ZIM2: variants seen among roughly 807,000 people sequenced by gnomAD.
ZIM2 encodes zinc finger imprinted 2.
Under a neutral mutation model 38.6 loss-of-function variants are expected in ZIM2, and 14 were observed. That is an observed-to-expected ratio of 0.36 (90% CI 0.24 to 0.57). ZIM2 has a LOEUF of 0.57. Among genes scored for constraint, ZIM2 ranks in the 20% least tolerant of loss-of-function variants. The pLI is 0.81. For missense variants in ZIM2, 680 were observed against 695.1 expected (o/e 0.98, Z 0.24); for synonymous variants, 247 against 245.8 (o/e 1.00, Z -0.04).
chr19:56,783,606 T>C lies in ZIM2; in HGVS notation c.571-1485A>G, dbSNP rs73064712. On this transcript the variant is annotated intron_variant, in intron 10 of 12. Coordinates refer to ENST00000629319, the MANE Select transcript of ZIM2 (RefSeq NM_001387356.1). ...CCAAATACCACGTGTTCTCACTTAT[T>C]AGTGGGAGCTAAACACTGGGTATAC... 8.4e-3 allele frequency among the ~76,000 whole-genome samples: 1,273 copies of C among 152,278 alleles called. 10 individuals carry two copies. Among genetic ancestry groups the C allele is most frequent in the South Asian group, 0.035 (169 of 4,828 alleles).
chr19:56,785,483 G>T (rs2046551194), intron 10 of ZIM2, among the ~76,000 whole-genome samples: 2 of 150,980 alleles, frequency 1.3e-5, no homozygotes, highest in Admixed American at 1.3e-4. Flanking sequence ...TTTCATTATT[G>T]TCTTTTAGGT....
In ZIM2 at chr19:56,775,579, C is replaced by A. The variant is rs115095419; in HGVS notation, c.836-50G>T. On this transcript the variant is annotated intron_variant, in intron 12 of 12. Transcript: ENST00000629319. ...CCTACCGCCCAATTATCCAATCCTG[C>A]CCCCCAATAATGATATTTCTATAGG... The A allele has an allele frequency of 1.4e-3, 2,134 of 1,536,888 alleles. 24 individuals carry two copies. The African/African-American group carries it at 0.025, about 18-fold the overall frequency.
intron 3 of ZIM2, 127 bp from the exon 4 acceptor site, chr19:56,824,554 G>T (rs2060830792): frequency 1.2e-6 from 2 of 1,614,042 alleles, no homozygotes; most frequent in Non-Finnish European, 1.7e-6. Context: ...CTTCTCCTAT[G>T]ATGACATCCG....
In ZIM2 at chr19:56,775,161, G is replaced by A. The variant is rs1218867342; in HGVS notation, c.1204C>T (p.Leu402Phe). The change falls in exon 13 of 13, where the codon CTC becomes TTC. Residue 402 changes from leucine (L) to phenylalanine (F), a missense_variant. Coordinates refer to ENST00000629319, the MANE Select transcript of ZIM2 (RefSeq NM_001387356.1). ...GAATGGGTCTTCTGATGTCTGTTGA[G>A]GTGTGGCATGAGATAGAAGGCTTCA... ...CAEAFYLMPH[L>F]NRHQKTHSGR... The A allele has an allele frequency of 1.2e-6, 2 of 1,614,108 alleles. No individual in the cohort carries two copies. Among genetic ancestry groups the A allele is most frequent in the Non-Finnish European group, 1.7e-6 (2 of 1,180,024 alleles).
chr19:56,808,393 A>C (rs1267484130), intron 9 of ZIM2, among the ~76,000 whole-genome samples: 1 of 152,190 alleles, frequency 6.6e-6, no homozygotes, highest in Non-Finnish European at 1.5e-5. Context: ...TATAAGTGGT[A>C]CGAGGCATGC....
In ZIM2 at chr19:56,774,887, C is replaced by G. The variant is rs145508804; in HGVS notation, c.1478G>C (p.Gly493Ala). The change falls in exon 13 of 13, where the codon GGA becomes GCA. Residue 493 changes from glycine (G) to alanine (A), a missense_variant. Coordinates refer to ENST00000629319, the MANE Select transcript of ZIM2 (RefSeq NM_001387356.1). ...GTCACAACACTGGCAGGCTCTCTCTCCAACGTAGTCATGTTTCCGCTGATA... is the reference window on the plus strand; with the variant it reads ...GTCACAACACTGGCAGGCTCTCTCTGCAACGTAGTCATGTTTCCGCTGATA... ...IRYQRKHDYV[G>A]ERACQCCDCG... 28 of 1,614,038 alleles carry G rather than the reference C, an allele frequency of 1.7e-5. No homozygotes were observed. The highest frequency in any genetic ancestry group is 2.3e-5 in the Non-Finnish European group (27 of 1,180,032).
chr19:56,817,706 T>C, intron 9 of ZIM2, 40 bp downstream of exon 9: 2 of 1,579,970 alleles, frequency 1.3e-6, no homozygotes, highest in Non-Finnish European at 1.7e-6. Context: ...AGCATCTCAC[T>C]GGTTGTGTGG....
chr19:56,795,434 C>T (rs570177323), intron 9 of ZIM2, among the ~76,000 whole-genome samples: 1 of 152,350 alleles, frequency 6.6e-6, no homozygotes, highest in East Asian at 1.9e-4. Context: ...CGCTCGCCGG[C>T]CGCTATCCTA....
chr19:56,824,685 C>T, intron 3 of ZIM2: 1 of 1,575,566 alleles, frequency 6.3e-7, no homozygotes, highest in Non-Finnish European at 8.6e-7. Flanking sequence ...ACTGGAGGAA[C>T]CAAACATGAG....
At position 56,814,471 on chromosome 19, in the gene ZIM2, G is replaced by C. The variant is rs761226740; in HGVS notation, c.490+3275C>G. ...ATAGAATGGTATAGCTCCTTTGAGG[G>C]GCTCAGTAAGAAATGAGGTGTGAGT... On this transcript the variant is annotated intron_variant, in intron 9 of 12. Transcript: ENST00000629319. The surrounding 1 kb of genome is among the most constrained non-coding windows in gnomAD (Gnocchi z 5.8). 1 of 1,612,222 alleles carries C rather than the reference G, an allele frequency of 6.2e-7. No homozygotes were observed. Among genetic ancestry groups the C allele is most frequent in the South Asian group, 1.1e-5 (1 of 91,026 alleles).
At chr19:56,789,518 A>C (rs1568573737) in intron 10 of ZIM2, among the ~76,000 whole-genome samples, 1 of 152,230 alleles carries the variant, frequency 6.6e-6, no homozygotes, top group African/African-American at 2.4e-5. Context: ...AAACCACACA[A>C]GGGTTTTTCT....
intron 9 of ZIM2, among the ~76,000 whole-genome samples, chr19:56,805,181 AT>A (rs1386527683): frequency 1.3e-5 from 2 of 152,214 alleles, no homozygotes; most frequent in African/African-American, 2.4e-5. Flanking sequence ...GCTTCCACCT[AT>A]GAGATGCTGG....
At chr19:56,776,426 A>G (rs1454354101) in intron 12 of ZIM2, among the ~76,000 whole-genome samples, 2 of 152,166 alleles carry the variant, frequency 1.3e-5, no homozygotes, top group African/African-American at 4.8e-5. Flanking sequence ...TGCACCTTGA[A>G]CCCTAAAGAG....
chr19:56,823,715 G>A (rs1335056543), intron 4 of ZIM2, 36 bp from the exon 5 acceptor site: 1 of 1,611,186 alleles, frequency 6.2e-7, no homozygotes, highest in Non-Finnish European at 8.5e-7. Flanking sequence ...ACTATCTCTG[G>A]CCCACATTCT....
At position 56,774,853 on chromosome 19, in the gene ZIM2, T is replaced by C. The variant is rs2045921596; in HGVS notation, c.1512A>G (p.Arg504=). The C allele has an allele frequency of 1.2e-6, 2 of 1,614,146 alleles. No individual in the cohort carries two copies. Among genetic ancestry groups the C allele is most frequent in the Non-Finnish European group, 1.7e-6 (2 of 1,180,004 alleles). Residue 504 remains arginine (R), a synonymous_variant, in exon 13 of 13, where the codon AGA becomes AGG. Coordinates refer to ENST00000629319, the MANE Select transcript of ZIM2 (RefSeq NM_001387356.1). ...ERACQCCDCG[R]VFSRNSYLIQ... is the part of the protein sequence containing the mutation. ...TGAGATATGAATTCCGACTGAAGAC[T>C]CTGCCACAGTCACAACACTGGCAGG...
chr19:56,784,523 T>TA (rs1359995667), intron 10 of ZIM2, among the ~76,000 whole-genome samples: 1 of 152,200 alleles, frequency 6.6e-6, no homozygotes, highest in African/African-American at 2.4e-5. Context: ...GGTGGTCATG[T>TA]GGTAGTCAGA....
At chr19:56,809,375 C>T (rs538546751) in intron 9 of ZIM2, among the ~76,000 whole-genome samples, 15 of 152,256 alleles carry the variant, frequency 9.9e-5, no homozygotes, top group African/African-American at 2.2e-4. Flanking sequence ...GGATATTAGA[C>T]GGGCATGAAG....
intron 9 of ZIM2, among the ~76,000 whole-genome samples, chr19:56,795,439 A>G (rs1221862992): frequency 6.6e-6 from 1 of 152,148 alleles, no homozygotes; most frequent in Non-Finnish European, 1.5e-5. Flanking sequence ...GCCGGCCGCT[A>G]TCCTACCCCG....
At chr19:56,791,843 G>A (rs530190379) in intron 9 of ZIM2, among the ~76,000 whole-genome samples, 11 of 152,238 alleles carry the variant, frequency 7.2e-5, no homozygotes, top group African/African-American at 2.6e-4. Context: ...GAGTTTCTAA[G>A]ATACCAGTCA....
Sources: allele counts gnomAD v4.1 joint callset (sites outside exome capture counted in the v4.1 genomes callset), GRCh38; gene constraint gnomAD v4.1.1; non-coding constraint Gnocchi (gnomAD v3.1); transcripts MANE v1.5; gene names NCBI Gene and HGNC (gene_info 2026-07-23, HGNC 2026-07-21).